PAK5: variants seen among roughly 807,000 people sequenced by gnomAD.
The protein encoded by PAK5 is p21 (RAC1) activated kinase 5, also known as serine/threonine-protein kinase PAK 5.
PAK5 carries 16 observed loss-of-function variants against 65.9 expected under a neutral mutation model. The ratio of observed to expected loss-of-function variants is 0.24; its 90% confidence interval spans 0.16 to 0.37. PAK5 has a LOEUF of 0.37. Ranked by LOEUF, PAK5 falls within the 10% of genes least tolerant of loss-of-function variation. The pLI, the probability that PAK5 is intolerant of heterozygous loss-of-function variation, is 1.00. For missense variants in PAK5, 785 were observed against 903.9 expected (o/e 0.87, Z 1.69); for synonymous variants, 371 against 354.9 (o/e 1.05, Z -0.51).
intron 1 of PAK5, among the ~76,000 whole-genome samples, chr20:9,807,782 A>ATAATAATAATAATAATAG (rs2049251236): frequency 6.7e-6 from 1 of 149,878 alleles, no homozygotes; most frequent in African/African-American, 2.4e-5. Flanking sequence ...AATAATAATA[A>ATAATAATAATAATAATAG]TAATAATAAA....
chr20:9,551,580 G>A (rs2045428567), intron 7 of PAK5, among the ~76,000 whole-genome samples: 1 of 152,174 alleles, frequency 6.6e-6, no homozygotes, highest in African/African-American at 2.4e-5. Context: ...TTTAAAGATA[G>A]AATGTAAAAA....
intron 9 of PAK5, among the ~76,000 whole-genome samples, chr20:9,540,457 A>G (rs369395010): frequency 6.6e-6 from 1 of 151,838 alleles, no homozygotes. Flanking sequence ...CTTTACCAAA[A>G]TGGAGTCATA....
Position 9,717,734 on chromosome 20 carries a change from C to T in PAK5, c.-161-6299G>A, listed in dbSNP as rs1404394910. Among the ~76,000 whole-genome samples the T allele has an allele frequency of 2.0e-5, 3 of 152,316 alleles. No homozygotes were observed. In the East Asian group the frequency reaches 5.8e-4, roughly 29 times the overall value. On this transcript the variant is annotated intron_variant, in intron 1 of 9. Transcript: ENST00000353224. ...TCCCAGGTTCAAGTGATTCTCCTAC[C>T]TCAGCCTCCCGAGTGGCTGGGATTA... is the stretch of plus-strand genomic sequence containing the variant.
At chr20:9,828,230 A>G (rs907946441) in intron 1 of PAK5, among the ~76,000 whole-genome samples, 1 of 152,256 alleles carries the variant, frequency 6.6e-6, no homozygotes, top group African/African-American at 2.4e-5. Context: ...GCAGGTAGGT[A>G]GCTGTTATCT....
chr20:9,792,052 C>A (rs1467671970), intron 1 of PAK5, among the ~76,000 whole-genome samples: 1 of 152,178 alleles, frequency 6.6e-6, no homozygotes, highest in East Asian at 1.9e-4. Context: ...CTGCCTTTCT[C>A]CCCTACCAGA....
intron 6 of PAK5, 61 bp from the exon 7 acceptor site, chr20:9,557,795 A>G (rs1021901596): frequency 1.8e-5 from 25 of 1,417,892 alleles, no homozygotes; most frequent in Admixed American, 5.3e-5. Context: ...GAAATGCTCA[A>G]GAGAGGCAGC....
Position 9,795,379 on chromosome 20 carries a change from T to C in PAK5, c.-162+43383A>G, listed in dbSNP as rs370944422. ...GATTGAGCATTTTTCCATGTAAATA[T>C]TTAAATGTCTTTAAAAATAACTTTT... On this transcript the variant is annotated intron_variant, in intron 1 of 9. Transcript: ENST00000353224. 4.8e-5 allele frequency among the ~76,000 whole-genome samples: 7 copies of C among 147,282 alleles called. No homozygotes were observed. The South Asian group carries it at 8.3e-4, about 18-fold the overall frequency.
At chr20:9,693,461 TTCTCTCCCTC>T (rs2047825268) in intron 2 of PAK5, among the ~76,000 whole-genome samples, 2 of 151,450 alleles carry the variant, frequency 1.3e-5, no homozygotes, top group African/African-American at 4.8e-5. Flanking sequence ...CTCCCTCCCT[TTCTCTCCCTC>T]TCTCTCTCTC....
chr20:9,770,116 G>C (rs535918334), intron 1 of PAK5, among the ~76,000 whole-genome samples: 3 of 152,266 alleles, frequency 2.0e-5, no homozygotes, highest in South Asian at 4.1e-4. Context: ...ATGCAGGAGA[G>C]GGGGAAGAGT....
intron 2 of PAK5, among the ~76,000 whole-genome samples, chr20:9,664,806 C>T (rs2047391436): frequency 6.6e-6 from 1 of 152,064 alleles, no homozygotes; most frequent in Non-Finnish European, 1.5e-5. Context: ...AAGACATTTA[C>T]AATCAGAAAA....
chr20:9,612,902 C>A (rs1027697956), intron 3 of PAK5, among the ~76,000 whole-genome samples: 1 of 152,144 alleles, frequency 6.6e-6, no homozygotes, highest in Non-Finnish European at 1.5e-5. Flanking sequence ...TATCTCCCCC[C>A]CCATTAGACT....
chr20:9,794,259 G>A (rs1022010744), intron 1 of PAK5, among the ~76,000 whole-genome samples: 1 of 151,928 alleles, frequency 6.6e-6, no homozygotes, highest in African/African-American at 2.4e-5. Context: ...CAGGTTGATA[G>A]GTACAGCAAA....
chr20:9,766,898 C>T (rs1600347667), intron 1 of PAK5, among the ~76,000 whole-genome samples: 1 of 140,400 alleles, frequency 7.1e-6, no homozygotes, highest in South Asian at 2.4e-4. Context: ...GTGCACAATT[C>T]TTCATTAAAA....
intron 1 of PAK5, among the ~76,000 whole-genome samples, chr20:9,767,494 T>C (rs374112919): frequency 1.3e-5 from 2 of 152,214 alleles, no homozygotes; most frequent in East Asian, 1.9e-4. Flanking sequence ...TATTTGTCTA[T>C]GTTTCTTTTC....
intron 1 of PAK5, among the ~76,000 whole-genome samples, chr20:9,714,666 C>A (rs1385634951): frequency 1.3e-5 from 2 of 152,030 alleles, no homozygotes; most frequent in African/African-American, 4.8e-5. Context: ...GCTATAGTAA[C>A]CAAAACAGCA....
intron 4 of PAK5, among the ~76,000 whole-genome samples, chr20:9,569,122 G>A (rs1056976365): frequency 2.6e-5 from 4 of 152,202 alleles, no homozygotes; most frequent in African/African-American, 9.6e-5. Context: ...GTTATTTAAA[G>A]TTTAGGGGAA....
chr20:9,620,727 G>A (rs1015354120), intron 3 of PAK5, among the ~76,000 whole-genome samples: 3 of 152,090 alleles, frequency 2.0e-5, no homozygotes, highest in Admixed American at 1.3e-4. Context: ...TGCCCTGGAG[G>A]TTGGGAGAGT....
chr20:9,637,279 T>C (rs114519761), intron 3 of PAK5, among the ~76,000 whole-genome samples: 1 of 152,186 alleles, frequency 6.6e-6, no homozygotes, highest in Non-Finnish European at 1.5e-5. Context: ...AGTGCTGGAT[T>C]ACAGGCATGT....
intron 1 of PAK5, among the ~76,000 whole-genome samples, chr20:9,758,458 C>T (rs1471375840): frequency 6.6e-6 from 1 of 152,172 alleles, no homozygotes; most frequent in Non-Finnish European, 1.5e-5. Flanking sequence ...TCCATGCCTA[C>T]CATGGGCTAG....
Sources: gnomAD v4.1 joint callset for allele counts (sites outside exome capture counted in the v4.1 genomes callset) on GRCh38, gnomAD v4.1.1 for gene constraint, MANE v1.5 for transcripts, NCBI Gene and HGNC (gene_info 2026-07-23, HGNC 2026-07-21) for gene names.